The following SDC2 variants were observed in gnomAD, a reference collection of about 807,000 sequenced individuals.
SDC2 encodes syndecan-2.
A neutral mutation model predicts 22.2 loss-of-function variants in SDC2; 13 were observed. The observed-to-expected ratio is 0.59, with a 90% CI of 0.38 to 0.93. SDC2 has a LOEUF of 0.93. SDC2 is among the 40% of genes least tolerant of loss of function. The pLI, the probability that SDC2 is intolerant of heterozygous loss-of-function variation, is 0.00. For synonymous variants in SDC2, 94 were observed against 92.8 expected (o/e 1.01, Z -0.07); for missense variants, 235 against 246.8 (o/e 0.95, Z 0.32).
chr8:96,581,141 TTTAA>T (rs1346702172), intron 1 of SDC2, among the ~76,000 whole-genome samples: 2 of 152,226 alleles, frequency 1.3e-5, no homozygotes, highest in Admixed American at 6.5e-5. Context: ...AACTGAGACT[TTTAA>T]TTGTCACTAG....
At chr8:96,594,668 G>A (rs1384760829) in intron 2 of SDC2, among the ~76,000 whole-genome samples, 1 of 152,148 alleles carries the variant, frequency 6.6e-6, no homozygotes, top group Non-Finnish European at 1.5e-5. Context: ...TCTCAGAATG[G>A]CCCCTGTATG....
At chr8:96,495,516 CAG>C (rs1398315693) in intron 1 of SDC2, among the ~76,000 whole-genome samples, 1 of 152,330 alleles carries the variant, frequency 6.6e-6, no homozygotes, top group Non-Finnish European at 1.5e-5. Context: ...TCTGGGGTCT[CAG>C]GGAGTGCGGC....
chr8:96,523,066 C>T (rs188403767), intron 1 of SDC2, among the ~76,000 whole-genome samples: 4 of 152,220 alleles, frequency 2.6e-5, no homozygotes, highest in Admixed American at 2.0e-4. Context: ...AAAATTTCTC[C>T]GAGGAGTTAT....
chr8:96,494,265 G>A lies in SDC2; in HGVS notation c.-7G>A, dbSNP rs1391199411. 6.5e-7 allele frequency: 1 copy of A among 1,544,780 alleles called. No individual in the cohort carries two copies. The highest frequency in any genetic ancestry group is 8.7e-7 in the Non-Finnish European group (1 of 1,148,310). On this transcript the variant is annotated 5_prime_UTR_variant, in exon 1 of 5. Transcript: ENST00000302190. ...CAGCGGCTGGGAGCAGCCGGTCCCTGGGGAATATGCGGCGCGCGTGGATCC... is the reference window on the plus strand; with the variant it reads ...CAGCGGCTGGGAGCAGCCGGTCCCTAGGGAATATGCGGCGCGCGTGGATCC...
chr8:96,559,898 T>C (rs1266631901), intron 1 of SDC2, among the ~76,000 whole-genome samples: 1 of 152,244 alleles, frequency 6.6e-6, no homozygotes, highest in Non-Finnish European at 1.5e-5. Context: ...TTTGAGTTTG[T>C]ATTCTTGATA....
At chr8:96,563,912 C>G (rs1814252347) in intron 1 of SDC2, among the ~76,000 whole-genome samples, 2 of 152,170 alleles carry the variant, frequency 1.3e-5, no homozygotes, top group Admixed American at 6.5e-5. Flanking sequence ...AGGACACTTA[C>G]ATATTTAGCT....
intron 1 of SDC2, among the ~76,000 whole-genome samples, chr8:96,564,592 A>G (rs1354764341): frequency 6.6e-6 from 1 of 152,202 alleles, no homozygotes; most frequent in Non-Finnish European, 1.5e-5. Flanking sequence ...GAAGGATTCT[A>G]AAGTAAAAGT....
chr8:96,605,713 C>T (rs973752606), intron 3 of SDC2, among the ~76,000 whole-genome samples: 6 of 152,178 alleles, frequency 3.9e-5, no homozygotes, highest in Admixed American at 2.0e-4. Context: ...GACAGTTACT[C>T]TTTATTATAC....
intron 3 of SDC2, among the ~76,000 whole-genome samples, chr8:96,606,578 G>GGGGC (rs1815083930): frequency 6.6e-6 from 1 of 152,168 alleles, no homozygotes; most frequent in South Asian, 2.1e-4. Context: ...AAGGAGAACT[G>GGGGC]GGGCAGTGCT....
chr8:96,604,582 A>G (rs1219468253), intron 3 of SDC2, among the ~76,000 whole-genome samples: 1 of 152,166 alleles, frequency 6.6e-6, no homozygotes, highest in African/African-American at 2.4e-5. Context: ...CTAGGATACC[A>G]TTAGTGTAGA....
chr8:96,534,954 G>C (rs1813728904), intron 1 of SDC2, among the ~76,000 whole-genome samples: 1 of 151,770 alleles, frequency 6.6e-6, no homozygotes, highest in African/African-American at 2.4e-5. Flanking sequence ...AGGGTTGCTA[G>C]ATAAAATATT....
At chr8:96,501,774 C>T (rs1003300410) in intron 1 of SDC2, among the ~76,000 whole-genome samples, 3 of 152,026 alleles carry the variant, frequency 2.0e-5, no homozygotes, top group Non-Finnish European at 2.9e-5. Flanking sequence ...TGGAGTTGAA[C>T]GAGAAAAACT....
intron 1 of SDC2, among the ~76,000 whole-genome samples, chr8:96,586,750 A>T (rs1278144067): frequency 1.3e-5 from 2 of 152,042 alleles, no homozygotes; most frequent in African/African-American, 4.8e-5. Context: ...TAACCTGATT[A>T]TTTTTTTGGC....
intron 1 of SDC2, among the ~76,000 whole-genome samples, chr8:96,519,773 A>G (rs904313769): frequency 5.3e-5 from 8 of 151,964 alleles, no homozygotes; most frequent in Non-Finnish European, 1.2e-4. Flanking sequence ...AGCTGGGATT[A>G]CAGGCGCGCA....
At chr8:96,602,038 G>A (rs967220266) in intron 2 of SDC2, among the ~76,000 whole-genome samples, 11 of 152,130 alleles carry the variant, frequency 7.2e-5, no homozygotes, top group Non-Finnish European at 4.4e-5. Flanking sequence ...AATTACAGGC[G>A]TGAGCCCCTG....
At chr8:96,600,775 A>G (rs187041747) in intron 2 of SDC2, among the ~76,000 whole-genome samples, 7 of 152,324 alleles carry the variant, frequency 4.6e-5, no homozygotes, top group Admixed American at 2.6e-4. Flanking sequence ...CAAAGGGACC[A>G]TGAGTTCTGG....
At chr8:96,538,151 G>A (rs998583965) in intron 1 of SDC2, among the ~76,000 whole-genome samples, 5 of 151,946 alleles carry the variant, frequency 3.3e-5, no homozygotes, top group Admixed American at 6.6e-5. Context: ...TAGTAGAGAC[G>A]GGGTTTCACC....
At chr8:96,581,228 A>T (rs7819975) in intron 1 of SDC2, among the ~76,000 whole-genome samples, 29,294 of 152,130 alleles carry the variant, frequency 0.19, 3,427 homozygotes, top group African/African-American at 0.33. Flanking sequence ...ACGTATTCTC[A>T]AAAGTGCTTC....
intron 1 of SDC2, among the ~76,000 whole-genome samples, chr8:96,496,183 T>G (rs560357000): frequency 2.0e-5 from 3 of 152,360 alleles, no homozygotes; most frequent in Non-Finnish European, 4.4e-5. Flanking sequence ...AGAATGTTTC[T>G]GTCTTCTGCT....
Sources: gnomAD v4.1 joint callset for allele counts (sites outside exome capture counted in the v4.1 genomes callset) on GRCh38, gnomAD v4.1.1 for gene constraint, MANE v1.5 for transcripts, NCBI Gene and HGNC (gene_info 2026-07-23, HGNC 2026-07-21) for gene names.